The following CCDC150 variants were observed in gnomAD, a reference collection of about 807,000 sequenced individuals.
CCDC150 encodes the protein coiled-coil domain-containing protein 150.
CCDC150 carries 151 observed loss-of-function variants against 156.5 expected under a neutral mutation model. The ratio of observed to expected loss-of-function variants is 0.97; its 90% CI spans 0.85 to 1.10. The LOEUF (loss-of-function observed/expected upper bound fraction) is 1.10, where lower values mean the gene tolerates loss of function less well. Among genes scored for constraint, CCDC150 ranks in the 50% least tolerant of loss-of-function variants. The pLI, the probability that CCDC150 is intolerant of heterozygous loss-of-function variation, is 0.00. For missense variants in CCDC150, 1,312 were observed against 1,268.1 expected (o/e 1.03, Z -0.53); for synonymous variants, 452 against 429.4 (o/e 1.05, Z -0.65).
chr2:196,688,842 T>C (rs1695269176), intron 13 of CCDC150, among the ~76,000 whole-genome samples: 1 of 151,530 alleles, frequency 6.6e-6, no homozygotes, highest in Non-Finnish European at 1.5e-5. Flanking sequence ...TGAATGGTAA[T>C]GCCTAGGTTT....
At chr2:196,700,353 G>A (rs141952999) in intron 14 of CCDC150, among the ~76,000 whole-genome samples, 2 of 152,270 alleles carry the variant, frequency 1.3e-5, no homozygotes, top group East Asian at 1.9e-4. Flanking sequence ...AATATTTCCT[G>A]TTATTAAGAT....
At chr2:196,665,121 G>A (rs1214128513) in intron 5 of CCDC150, among the ~76,000 whole-genome samples, 1 of 152,024 alleles carries the variant, frequency 6.6e-6, no homozygotes, top group Non-Finnish European at 1.5e-5. Context: ...TACACACTAA[G>A]GTAAGATACT....
intron 19 of CCDC150, 53 bp downstream of exon 19, chr2:196,719,719 G>A (rs1697767381): frequency 2.3e-6 from 3 of 1,301,530 alleles, no homozygotes; most frequent in African/African-American, 1.5e-5. Flanking sequence ...GTACTAAGGA[G>A]CAGTGTCAAG....
intron 13 of CCDC150, among the ~76,000 whole-genome samples, chr2:196,694,052 ATTTTTTTTTTT>A (rs57421391): frequency 2.5e-5 from 2 of 79,440 alleles, no homozygotes; most frequent in African/African-American, 1.0e-4. Context: ...TTTGTGGAAG[ATTTTTTTTTTT>A]TTTTTTTTTT....
intron 13 of CCDC150, among the ~76,000 whole-genome samples, chr2:196,684,974 T>C (rs1037212731): frequency 6.6e-6 from 1 of 152,104 alleles, no homozygotes; most frequent in African/African-American, 2.4e-5. Flanking sequence ...CATATAGTTG[T>C]TTTTTTAAAA....
Position 196,719,590 on chromosome 2 carries a change from A to G in CCDC150, c.2089A>G (p.Met697Val), listed in dbSNP as rs1387537224. 6.2e-7 allele frequency: 1 copy of G among 1,613,588 alleles called. No homozygotes were observed. Among genetic ancestry groups the G allele is most frequent in the Non-Finnish European group, 8.5e-7 (1 of 1,179,754 alleles). The change falls in exon 19 of 28, where the codon ATG (methionine) becomes GTG (valine). Residue 697 changes from methionine to valine, a missense_variant. Coordinates refer to ENST00000389175, the MANE Select transcript of CCDC150 (RefSeq NM_001080539.2). Reference protein sequence around the residue: ...LENVLASHSKMQGALEKVQIE... With the variant: ...LENVLASHSKVQGALEKVQIE... The stretch of plus-strand genomic sequence containing the variant: ...GAATGTGCTGGCTTCTCACAGTAAG[A>G]TGCAAGGTGCTCTGGAGAAAGTACA...
In CCDC150 at chr2:196,665,702, C is replaced by T; in HGVS notation, c.762+19C>T. The T allele has an allele frequency of 6.9e-7, 1 of 1,455,440 alleles. No individual in the cohort carries two copies. The highest frequency in any genetic ancestry group is 9.4e-7 in the Non-Finnish European group (1 of 1,068,344). The allele number at this position is 1,455,440 out of a possible 1,614,324, so 90.2% of individuals were successfully genotyped here. A position where few individuals can be genotyped will look rare whatever the true frequency, so the allele number is the denominator to read the frequency against. ...AAAACAGGTAGAAAGATTTCTTCTC[C>T]TTATGTGGTTTGGGAAATGAAACCA... On this transcript the variant is annotated intron_variant, in intron 6 of 27. Coordinates refer to ENST00000389175, the MANE Select transcript of CCDC150 (RefSeq NM_001080539.2).
chr2:196,692,722 A>G (rs1695568375), intron 13 of CCDC150, among the ~76,000 whole-genome samples: 1 of 152,190 alleles, frequency 6.6e-6, no homozygotes, highest in Admixed American at 6.5e-5. Context: ...ACATTTGCTG[A>G]GGAGTGTTTT....
At chr2:196,720,218 A>G in intron 19 of CCDC150, 1 of 336,936 alleles carries the variant, frequency 3.0e-6, no homozygotes, top group Non-Finnish European at 6.0e-6. Flanking sequence ...TATTGCCTCT[A>G]TGTTATGAGA....
chr2:196,647,616 T>A (rs1330500712), intron 2 of CCDC150, among the ~76,000 whole-genome samples: 1 of 152,138 alleles, frequency 6.6e-6, no homozygotes, highest in Admixed American at 6.5e-5. Flanking sequence ...TTCCTTTTTT[T>A]ATATTTTATT....
At chr2:196,695,490 G>T (rs1559250684) in intron 14 of CCDC150, among the ~76,000 whole-genome samples, 1 of 152,068 alleles carries the variant, frequency 6.6e-6, no homozygotes, top group Admixed American at 6.6e-5. Context: ...TAATAAGTCT[G>T]ATTTCTGAAA....
At chr2:196,723,079 C>T (rs1382745783) in intron 21 of CCDC150, among the ~76,000 whole-genome samples, 1 of 152,174 alleles carries the variant, frequency 6.6e-6, no homozygotes, top group African/African-American at 2.4e-5. Flanking sequence ...TTTATCAGTG[C>T]ACATGGTTAG....
Position 196,721,504 on chromosome 2 carries a change from C to T in CCDC150, c.2260-18C>T, listed in dbSNP as rs758574815. On this transcript the variant is annotated intron_variant, in intron 20 of 27. Transcript: ENST00000389175. ...CTGTCCATTACAGTGGAATTGAAAA[C>T]ATGCTTCTCTCTTTCAGATTGAATC... 7.0e-6 allele frequency: 11 copies of T among 1,579,772 alleles called. No individual in the cohort carries two copies. Among genetic ancestry groups the T allele is most frequent in the Admixed American group, 1.9e-5 (1 of 54,006 alleles).
At chr2:196,721,740 G>A (rs780316148) in intron 21 of CCDC150, 49 bp downstream of exon 21, 4 of 1,433,968 alleles carry the variant, frequency 2.8e-6, no homozygotes, top group Non-Finnish European at 3.8e-6. Context: ...CTCTGGAGGA[G>A]TAAGTCACAT....
chr2:196,717,426 G>A (rs759611072), intron 17 of CCDC150, among the ~76,000 whole-genome samples: 1 of 152,176 alleles, frequency 6.6e-6, no homozygotes, highest in African/African-American at 2.4e-5. Context: ...GCATGGAACT[G>A]TGTGCATGCA....
At chr2:196,654,127 C>G (rs1345412560) in intron 2 of CCDC150, among the ~76,000 whole-genome samples, 1 of 152,138 alleles carries the variant, frequency 6.6e-6, no homozygotes, top group African/African-American at 2.4e-5. Flanking sequence ...CAGCTCCCAC[C>G]AGGCCTTACC....
intron 5 of CCDC150, among the ~76,000 whole-genome samples, chr2:196,664,981 T>C (rs565382692): frequency 6.6e-6 from 1 of 152,306 alleles, no homozygotes; most frequent in Admixed American, 6.5e-5. Context: ...ACCTCTAAAT[T>C]CCAGAATAGA....
At chr2:196,724,031 A>G (rs556991763) in intron 21 of CCDC150, among the ~76,000 whole-genome samples, 4 of 152,240 alleles carry the variant, frequency 2.6e-5, no homozygotes, top group African/African-American at 7.2e-5. Flanking sequence ...AGGAAGGGTT[A>G]TCTTTAAAGA....
chr2:196,692,887 G>A (rs1304896978), intron 13 of CCDC150, among the ~76,000 whole-genome samples: 1 of 152,068 alleles, frequency 6.6e-6, no homozygotes, highest in Non-Finnish European at 1.5e-5. Context: ...TTCATTTTGT[G>A]TCTCCATGAT....
Sources: gnomAD v4.1 joint callset for allele counts (sites outside exome capture counted in the v4.1 genomes callset) on GRCh38, gnomAD v4.1.1 for gene constraint, MANE v1.5 for transcripts, NCBI Gene and HGNC (gene_info 2026-07-23, HGNC 2026-07-21) for gene names.